ITPK1: variants seen among roughly 807,000 people sequenced by gnomAD.
ITPK1 encodes inositol 1,3,4-trisphosphate 5/6-kinase.
In ITPK1, 21 loss-of-function variants were observed where a neutral mutation model predicts 45.3. The observed-to-expected ratio is 0.46, with a 90% CI of 0.33 to 0.67. The LOEUF is 0.67. Among genes scored for constraint, ITPK1 ranks in the 30% least tolerant of loss-of-function variants. The probability of loss-of-function intolerance (pLI) is 0.02; values close to 1 mark genes in which losing one functional copy is unlikely to be tolerated. For missense variants in ITPK1, 474 were observed against 573.5 expected (o/e 0.83, Z 1.77); for synonymous variants, 258 against 253.6 (o/e 1.02, Z -0.16).
intron 4 of ITPK1, among the ~76,000 whole-genome samples, chr14:93,001,427 A>G (rs1164200678): frequency 6.6e-6 from 1 of 152,162 alleles, no homozygotes; most frequent in African/African-American, 2.4e-5. Context: ...GAGGGGGCAC[A>G]ATTCCGTCAC....
chr14:93,033,117 G>A (rs116676825), intron 3 of ITPK1, among the ~76,000 whole-genome samples: 2,779 of 152,308 alleles, frequency 0.018, 75 homozygotes, highest in African/African-American at 0.064. Flanking sequence ...CAAATTTGTT[G>A]GGTCCCAGTT....
Position 92,939,838 on chromosome 14 carries a change from C to A in ITPK1, c.*1723G>T. On this transcript the variant is annotated 3_prime_UTR_variant, in exon 11 of 11. Coordinates refer to ENST00000267615, the MANE Select transcript of ITPK1 (RefSeq NM_014216.6). ...GGGAGTATGACATAACAAACTTGAG[C>A]AACATGTGTAAACACGTGTGAAATG... 4 of 985,816 alleles carry A rather than the reference C, an allele frequency of 4.1e-6. No individual in the cohort carries two copies. The highest frequency in any genetic ancestry group is 4.8e-6 in the Non-Finnish European group (4 of 829,936). 61.1% of individuals were successfully genotyped at this position (985,816 alleles called of 1,614,324 possible).
chr14:93,105,083 G>A (rs901518132), intron 2 of ITPK1, among the ~76,000 whole-genome samples: 5 of 152,204 alleles, frequency 3.3e-5, no homozygotes, highest in Non-Finnish European at 7.3e-5. Flanking sequence ...TTGGCAAAAG[G>A]TAGCAACAGC....
intron 3 of ITPK1, among the ~76,000 whole-genome samples, chr14:93,062,793 T>G (rs984560390): frequency 6.6e-6 from 1 of 152,190 alleles, no homozygotes; most frequent in Non-Finnish European, 1.5e-5. Flanking sequence ...GGCCAGGGCC[T>G]GGCCTACCAT....
At chr14:92,959,905 G>A (rs1884968078) in intron 7 of ITPK1, among the ~76,000 whole-genome samples, 1 of 152,178 alleles carries the variant, frequency 6.6e-6, no homozygotes, top group African/African-American at 2.4e-5. Context: ...GGATGCAGAC[G>A]AGGACTCCCG....
rs139916040 is a variant in ITPK1 at position 93,103,900 on chromosome 14, G to A, written c.95+11169C>T. Among the ~76,000 whole-genome samples, 526 of 152,312 alleles carry A rather than the reference G, an allele frequency of 3.5e-3. 2 individuals are homozygous for A. Among genetic ancestry groups the A allele is most frequent in the African/African-American group, 0.012 (506 of 41,572 alleles). On this transcript the variant is annotated intron_variant, in intron 2 of 10. Coordinates refer to ENST00000267615, the MANE Select transcript of ITPK1 (RefSeq NM_014216.6). ...ATCTACCATGCCCCGCCCTGCCCAG[G>A]AAGCAGCAAGCTGACCACTGGAGGA... is the stretch of plus-strand genomic sequence containing the variant.
At chr14:93,078,707 C>T (rs1891322947) in intron 2 of ITPK1, among the ~76,000 whole-genome samples, 1 of 152,166 alleles carries the variant, frequency 6.6e-6, no homozygotes, top group Admixed American at 6.5e-5. Flanking sequence ...CTACACCCAA[C>T]CACCCGCTCA....
Position 93,032,350 on chromosome 14 carries a change from AAATAAT to A in ITPK1, c.121-15555_121-15550del, listed in dbSNP as rs10675965. On this transcript the variant is annotated intron_variant, in intron 3 of 10. Coordinates refer to ENST00000267615, the MANE Select transcript of ITPK1 (RefSeq NM_014216.6). The surrounding 1 kb of genome is among the most constrained non-coding windows in gnomAD (Gnocchi z 4.0). ...GGGCGACAGAGCGAGACTCCATCTC[AAATAAT>A]AATAATAATAATAATAAAGCATTAA... Among the ~76,000 whole-genome samples the A allele has an allele frequency of 2.0e-5, 3 of 150,164 alleles. No homozygotes were observed. In the South Asian group the frequency reaches 6.3e-4, roughly 32 times the overall value.
Position 92,938,653 on chromosome 14 carries a change from C to T in ITPK1, c.*2908G>A, listed in dbSNP as rs910119196. The T allele has an allele frequency of 1.3e-5, 10 of 758,802 alleles. No homozygotes were observed. Among genetic ancestry groups the T allele is most frequent in the African/African-American group, 1.0e-4 (6 of 58,050 alleles). The allele number at this position is 758,802 out of a possible 1,614,324, so 47.0% of individuals were successfully genotyped here. On this transcript the variant is annotated 3_prime_UTR_variant, in exon 11 of 11. Transcript: ENST00000267615. ...AGGTTGCAGCTGGGTCCAATCCCGC[C>T]GGCCATGCTGGGTGACTGCAGGCCC...
Position 93,001,631 on chromosome 14 carries a change from G to A in ITPK1, c.247-7634C>T, listed in dbSNP as rs146515365. Among the ~76,000 whole-genome samples, 382 of 152,284 alleles carry A rather than the reference G, an allele frequency of 2.5e-3. 2 individuals carry two copies. Among genetic ancestry groups the A allele is most frequent in the African/African-American group, 8.6e-3 (356 of 41,552 alleles). ...GGATCCACTGCATCAGGGCCTGTGT[G>A]TTCAGTTAACACTCAGCTACCCCAC... is the stretch of plus-strand genomic sequence containing the variant. On this transcript the variant is annotated intron_variant, in intron 4 of 10. Transcript: ENST00000267615.
intron 2 of ITPK1, among the ~76,000 whole-genome samples, chr14:93,086,939 C>A (rs768589205): frequency 5.3e-5 from 8 of 152,206 alleles, no homozygotes; most frequent in Non-Finnish European, 8.8e-5. Flanking sequence ...AAGGAAAGTC[C>A]CAAGGTGTCG....
chr14:93,031,303 G>A (rs1889044915), intron 3 of ITPK1, among the ~76,000 whole-genome samples: 1 of 152,144 alleles, frequency 6.6e-6, no homozygotes, highest in Admixed American at 6.5e-5. Context: ...GGCACGATTG[G>A]AGTCAGTGTC....
At chr14:93,066,957 C>T (rs1890782888) in intron 3 of ITPK1, among the ~76,000 whole-genome samples, 1 of 152,186 alleles carries the variant, frequency 6.6e-6, no homozygotes, top group South Asian at 2.1e-4. Context: ...CCAGGCCAAA[C>T]GGGAACCGAC....
At chr14:93,080,602 C>T (rs1891394805) in intron 2 of ITPK1, among the ~76,000 whole-genome samples, 1 of 152,226 alleles carries the variant, frequency 6.6e-6, no homozygotes. Context: ...GGAAAACAGA[C>T]TGAGGTGCGT....
chr14:92,961,426 G>C (rs1484071294), intron 7 of ITPK1, among the ~76,000 whole-genome samples: 1 of 152,218 alleles, frequency 6.6e-6, no homozygotes, highest in East Asian at 1.9e-4. Context: ...AGGTGGCCGG[G>C]AACATCATAG....
intron 5 of ITPK1, among the ~76,000 whole-genome samples, chr14:92,988,665 G>A (rs1334635756): frequency 6.6e-6 from 1 of 152,190 alleles, no homozygotes; most frequent in Non-Finnish European, 1.5e-5. Flanking sequence ...ACACAGGGGT[G>A]AGGGACAGGG....
chr14:92,940,758 TCA>T lies in ITPK1; in HGVS notation c.*801_*802del, dbSNP rs1420388736. 7.8e-7 allele frequency: 1 copy of T among 1,289,024 alleles called. No individual in the cohort carries two copies. Among genetic ancestry groups the T allele is most frequent in the Non-Finnish European group, 1.0e-6 (1 of 988,770 alleles). The allele number at this position is 1,289,024 out of a possible 1,614,324, so 79.8% of individuals were successfully genotyped here. A position where few individuals can be genotyped will look rare whatever the true frequency, so the allele number is the denominator to read the frequency against. On this transcript the variant is annotated 3_prime_UTR_variant, in exon 11 of 11. Transcript: ENST00000267615. ...AAAGACCTGGAATGATTTGCCCAAA[TCA>T]CAGCACAAATCCTCAGCACAGGCGC... is the stretch of plus-strand genomic sequence containing the variant.
intron 6 of ITPK1, among the ~76,000 whole-genome samples, 154 bp downstream of exon 6, chr14:92,962,597 T>C (rs1257796988): frequency 6.6e-6 from 1 of 152,116 alleles, no homozygotes; most frequent in East Asian, 1.9e-4. Context: ...CAGGACCCGT[T>C]TCTATGGTGT....
chr14:93,115,149 C>A lies in ITPK1; in HGVS notation c.15G>T (p.Leu5=). Residue 5 remains leucine (L), a synonymous_variant, in exon 2 of 11, where the codon CTG becomes CTT. Coordinates refer to ENST00000267615, the MANE Select transcript of ITPK1 (RefSeq NM_014216.6). ...GCCAGTAGCCAACTCTCTTCCCTTT[C>A]AGAAAGGTCTGCATCTTCCTCCTCG... MQTF[L]KGKRVGYWLS... 6.2e-7 allele frequency: 1 copy of A among 1,605,676 alleles called. No individual in the cohort carries two copies. Among genetic ancestry groups the A allele is most frequent in the East Asian group, 2.3e-5 (1 of 43,806 alleles).
Sources: allele counts gnomAD v4.1 joint callset (sites outside exome capture counted in the v4.1 genomes callset), GRCh38; gene constraint gnomAD v4.1.1; non-coding constraint Gnocchi (gnomAD v3.1); transcripts MANE v1.5; gene names NCBI Gene and HGNC (gene_info 2026-07-23, HGNC 2026-07-21).